PCDHGA4: variants seen among roughly 807,000 people sequenced by gnomAD.
The protein encoded by PCDHGA4 is protocadherin gamma subfamily A, 4.
PCDHGA4 carries 38 observed loss-of-function variants against 54.6 expected under a neutral mutation model. That is an observed-to-expected ratio of 0.70 (90% CI 0.54 to 0.91). The LOEUF is 0.91. Ranked by LOEUF, PCDHGA4 falls within the 40% of genes least tolerant of loss-of-function variation. PCDHGA4 has a pLI of 0.00. For synonymous variants in PCDHGA4, 511 were observed against 512.9 expected (o/e 1.00, Z 0.05); for missense variants, 1,298 against 1,220.9 (o/e 1.06, Z -0.94).
intron 1 of PCDHGA4, among the ~76,000 whole-genome samples, chr5:141,454,829 A>T (rs2098803417): frequency 1.4e-5 from 1 of 70,192 alleles, no homozygotes. Context: ...TTTTTTTGAG[A>T]CAGAGTCGCG....
intron 1 of PCDHGA4, chr5:141,402,906 C>T: frequency 1.3e-6 from 2 of 1,529,180 alleles, no homozygotes; most frequent in Non-Finnish European, 1.8e-6. Context: ...CCTGATGAAG[C>T]AGCGCGCACA....
intron 1 of PCDHGA4, among the ~76,000 whole-genome samples, chr5:141,447,321 G>C (rs148203274): frequency 3.9e-5 from 6 of 152,068 alleles, no homozygotes; most frequent in Admixed American, 6.5e-5. Flanking sequence ...TGTATTTTTA[G>C]TAGAGACGGG....
At chr5:141,510,898 T>C in intron 3 of PCDHGA4, 49 bp from the exon 4 acceptor site, 1 of 1,613,278 alleles carries the variant, frequency 6.2e-7, no homozygotes, top group Non-Finnish European at 8.5e-7. Context: ...ACAGTGACTG[T>C]TGAGGACCCT....
chr5:141,481,208 A>G lies in PCDHGA4; in HGVS notation c.2515-13599A>G, dbSNP rs116577118. On this transcript the variant is annotated intron_variant, in intron 1 of 3. Coordinates refer to ENST00000571252, the MANE Select transcript of PCDHGA4 (RefSeq NM_018917.4). ...GCCAGGCCCAATTTTTTTAAAAAACATGGTAAGGTCTCCCAGCCTTAAAGT... is the reference window on the plus strand; with the variant it reads ...GCCAGGCCCAATTTTTTTAAAAAACGTGGTAAGGTCTCCCAGCCTTAAAGT... 3.5e-3 allele frequency among the ~76,000 whole-genome samples: 528 copies of G among 152,350 alleles called. 2 individuals carry two copies. Among genetic ancestry groups the G allele is most frequent in the African/African-American group, 0.012 (490 of 41,572 alleles).
chr5:141,482,429 A>G (rs955366858), intron 1 of PCDHGA4, among the ~76,000 whole-genome samples: 1 of 151,366 alleles, frequency 6.6e-6, no homozygotes, highest in African/African-American at 2.4e-5. Flanking sequence ...AAAAATGATA[A>G]TACTGATATT....
At chr5:141,370,390 G>C in intron 1 of PCDHGA4, 1 of 1,543,894 alleles carries the variant, frequency 6.5e-7, no homozygotes. Flanking sequence ...GGCGCAGAGA[G>C]CGGGATGGGA....
rs932003988 is a variant in PCDHGA4 at position 141,363,453 on chromosome 5, G to A, written c.2514+5832G>A. Reference sequence around the variant, plus strand: ...ATAGAAAGGTCACTCAGTACTTCTCGACAAGTATCTGCTCATGCTTTCCTG... The same window carrying A: ...ATAGAAAGGTCACTCAGTACTTCTCAACAAGTATCTGCTCATGCTTTCCTG... On this transcript the variant is annotated intron_variant, in intron 1 of 3. Transcript: ENST00000571252. 5.9e-5 allele frequency among the ~76,000 whole-genome samples: 9 copies of A among 152,136 alleles called. No homozygotes were observed. In the South Asian group the frequency reaches 1.2e-3, roughly 21 times the overall value.
At chr5:141,395,078 G>C in intron 1 of PCDHGA4, 1 of 1,614,126 alleles carries the variant, frequency 6.2e-7, no homozygotes, top group Non-Finnish European at 8.5e-7. Flanking sequence ...CCTATTCCCA[G>C]GAAGTCTCCC....
At chr5:141,375,722 T>TCA (rs1339196797) in intron 1 of PCDHGA4, 5 of 1,614,260 alleles carry the variant, frequency 3.1e-6, no homozygotes, top group African/African-American at 2.7e-5. Context: ...CAGCAACGTG[T>TCA]CACTGAGCCT....
Position 141,494,692 on chromosome 5 carries a change from C to T in PCDHGA4, c.2515-115C>T. On this transcript the variant is annotated intron_variant, in intron 1 of 3. Coordinates refer to ENST00000571252, the MANE Select transcript of PCDHGA4 (RefSeq NM_018917.4). ...AGTCCACCCCTGCCCCCTCTTAGTC[C>T]GTTTTCTTCTCTGTGCCCACTCCCC... 2.5e-6 allele frequency: 4 copies of T among 1,581,934 alleles called. No individual in the cohort carries two copies. In the African/African-American group the frequency reaches 4.0e-5, roughly 16 times the overall value.
chr5:141,506,801 C>A (rs1322016728), intron 3 of PCDHGA4, among the ~76,000 whole-genome samples: 2 of 152,166 alleles, frequency 1.3e-5, no homozygotes, highest in Non-Finnish European at 2.9e-5. Flanking sequence ...GGCAGAGGAT[C>A]AAGGCATTGC....
chr5:141,457,023 A>G (rs1339517071), intron 1 of PCDHGA4, among the ~76,000 whole-genome samples: 1 of 152,228 alleles, frequency 6.6e-6, no homozygotes, highest in Non-Finnish European at 1.5e-5. Flanking sequence ...AAAAAGTCCT[A>G]GTAGACTCAG....
At chr5:141,389,816 G>T (rs1359127304) in intron 1 of PCDHGA4, 7 of 1,613,776 alleles carry the variant, frequency 4.3e-6, no homozygotes, top group Non-Finnish European at 5.9e-6. Context: ...TGGTCGCCGT[G>T]CGTGACGGTG....
intron 1 of PCDHGA4, chr5:141,423,473 C>A: frequency 6.2e-7 from 1 of 1,614,010 alleles, no homozygotes; most frequent in Non-Finnish European, 8.5e-7. Flanking sequence ...GGGGTACAGG[C>A]TTTCCTGCAA....
At chr5:141,450,679 G>A (rs2098690217) in intron 1 of PCDHGA4, among the ~76,000 whole-genome samples, 2 of 151,914 alleles carry the variant, frequency 1.3e-5, no homozygotes, top group Non-Finnish European at 2.9e-5. Context: ...TAGAAACGGG[G>A]TTTTGCCATG....
intron 1 of PCDHGA4, chr5:141,421,199 A>C (rs991814876): frequency 2.0e-6 from 3 of 1,514,716 alleles, no homozygotes; most frequent in Non-Finnish European, 2.6e-6. Context: ...CAGCTCGAGA[A>C]ACCGCGGAAT....
chr5:141,415,355 G>A (rs1200011688), intron 1 of PCDHGA4: 2 of 1,614,210 alleles, frequency 1.2e-6, no homozygotes, highest in Non-Finnish European at 1.7e-6. Context: ...CACAAGTCAC[G>A]CCTGCTGCAG....
intron 1 of PCDHGA4, chr5:141,409,386 A>C (rs369240403): frequency 1.2e-6 from 2 of 1,613,914 alleles, no homozygotes; most frequent in African/African-American, 2.7e-5. Flanking sequence ...TTCAAGATTT[A>C]TTCTTCTTCC....
chr5:141,374,469 A>C (rs1770516740), intron 1 of PCDHGA4: 1 of 1,612,580 alleles, frequency 6.2e-7, no homozygotes, highest in Admixed American at 1.7e-5. Context: ...ATTAATGACA[A>C]TACACCCCGA....
Sources: gnomAD v4.1 joint callset for allele counts (sites outside exome capture counted in the v4.1 genomes callset) on GRCh38, gnomAD v4.1.1 for gene constraint, MANE v1.5 for transcripts, NCBI Gene and HGNC (gene_info 2026-07-23, HGNC 2026-07-21) for gene names.